The following ZNF385D variants were observed in gnomAD, a reference collection of about 807,000 sequenced individuals.
ZNF385D encodes the protein zinc finger protein 659.
Under a neutral mutation model 35.8 loss-of-function variants are expected in ZNF385D, and 15 were observed. That is an observed-to-expected ratio of 0.42 (90% CI 0.28 to 0.64). The LOEUF is 0.64. Among genes scored for constraint, ZNF385D ranks in the 30% least tolerant of loss-of-function variants. The pLI, the probability that ZNF385D is intolerant of heterozygous loss-of-function variation, is 0.23. For missense variants in ZNF385D, 474 were observed against 494.6 expected (o/e 0.96, Z 0.39); for synonymous variants, 212 against 186.8 (o/e 1.13, Z -1.10).
At chr3:22,145,454 C>A (rs1431217023) in intron 3 of ZNF385D, among the ~76,000 whole-genome samples, 16 of 152,224 alleles carry the variant, frequency 1.1e-4, no homozygotes, top group Admixed American at 1.0e-3. Context: ...ACTACCAATG[C>A]TCTTTACACA....
At chr3:22,229,078 T>G (rs1698731670) in intron 2 of ZNF385D, among the ~76,000 whole-genome samples, 1 of 152,236 alleles carries the variant, frequency 6.6e-6, no homozygotes, top group Admixed American at 6.5e-5. Context: ...TCAATACTCC[T>G]TAATAAACTC....
At chr3:22,354,141 ATTACTGGAT>A (rs1327999088) in intron 2 of ZNF385D, among the ~76,000 whole-genome samples, 7 of 152,016 alleles carry the variant, frequency 4.6e-5, no homozygotes, top group African/African-American at 7.2e-5. Flanking sequence ...AGTTATACTG[ATTACTGGAT>A]TTTTTATATC....
At chr3:21,791,674 A>G (rs1449056311) in intron 3 of ZNF385D, among the ~76,000 whole-genome samples, 1 of 152,210 alleles carries the variant, frequency 6.6e-6, no homozygotes, top group East Asian at 1.9e-4. Context: ...AAACTAATAC[A>G]AAGTTTAGAA....
Position 21,591,677 on chromosome 3 carries a change from T to C in ZNF385D, c.166-26993A>G, listed in dbSNP as rs180859176. On this transcript the variant is annotated intron_variant, in intron 2 of 7. Transcript: ENST00000281523. Reference sequence around the variant, plus strand: ...AGGGTCACACCCTGAGCCTCCATTTTAGCAGGAAGCACTCCGCTTCTGAAG... The same window carrying C: ...AGGGTCACACCCTGAGCCTCCATTTCAGCAGGAAGCACTCCGCTTCTGAAG... Among the ~76,000 whole-genome samples the C allele has an allele frequency of 2.2e-3, 337 of 152,288 alleles. 3 individuals are homozygous for C. Among genetic ancestry groups the C allele is most frequent in the South Asian group, 0.017 (80 of 4,828 alleles).
chr3:21,673,653 C>T (rs2066641128), intron 1 of ZNF385D, among the ~76,000 whole-genome samples: 1 of 151,988 alleles, frequency 6.6e-6, no homozygotes, highest in Non-Finnish European at 1.5e-5. Context: ...CATGTGTGAG[C>T]AATGATGATC....
intron 3 of ZNF385D, among the ~76,000 whole-genome samples, chr3:22,063,470 G>T (rs979979845): frequency 9.2e-5 from 14 of 152,130 alleles, no homozygotes; most frequent in Non-Finnish European, 2.9e-5. Flanking sequence ...ATATTCAATA[G>T]ATTTTTACAT....
rs997771185 is a variant in ZNF385D at position 22,046,064 on chromosome 3, G to T, written c.325+122753C>A. Among the ~76,000 whole-genome samples, 7 of 150,392 alleles carry T rather than the reference G, an allele frequency of 4.7e-5. No individual in the cohort carries two copies. In the East Asian group the frequency reaches 9.9e-4, roughly 21 times the overall value. On this transcript the variant is annotated intron_variant, in intron 3 of 5. Coordinates refer to the ZNF385D transcript ENST00000494108. Reference sequence around the variant, plus strand: ...ATAATTGTCAACCCTGGCAGATTCAGCTGGGAGGAAAATTGATGATAGTGG... The same window carrying T: ...ATAATTGTCAACCCTGGCAGATTCATCTGGGAGGAAAATTGATGATAGTGG...
At chr3:21,979,160 T>C (rs1350984865) in intron 3 of ZNF385D, among the ~76,000 whole-genome samples, 1 of 151,990 alleles carries the variant, frequency 6.6e-6, no homozygotes, top group East Asian at 1.9e-4. Flanking sequence ...GCCTGTAGAA[T>C]AGTCTGGGCT....
intron 3 of ZNF385D, among the ~76,000 whole-genome samples, chr3:22,076,398 CTTA>C (rs1461440290): frequency 6.6e-6 from 1 of 151,842 alleles, no homozygotes; most frequent in Non-Finnish European, 1.5e-5. Flanking sequence ...CATTAGCTGG[CTTA>C]TTTTTTAATG....
chr3:21,977,849 A>G (rs1023187324), intron 3 of ZNF385D, among the ~76,000 whole-genome samples: 6 of 151,956 alleles, frequency 3.9e-5, no homozygotes, highest in African/African-American at 1.5e-4. Flanking sequence ...AAAAAGGAAA[A>G]CAAACAAACA....
intron 3 of ZNF385D, among the ~76,000 whole-genome samples, chr3:22,042,444 T>A (rs1035308833): frequency 5.9e-5 from 9 of 152,026 alleles, no homozygotes; most frequent in African/African-American, 2.2e-4. Context: ...AAAAAAAAAG[T>A]TTTTCCTTTG....
chr3:21,425,814 G>A (rs1700994899), intron 5 of ZNF385D, 144 bp from the exon 6 acceptor site: 1 of 650,324 alleles, frequency 1.5e-6, no homozygotes, highest in Non-Finnish European at 2.3e-6. Flanking sequence ...CCTCATTTTA[G>A]TGCAGTTTTT....
chr3:22,125,631 A>C (rs1024637760), intron 3 of ZNF385D, among the ~76,000 whole-genome samples: 2 of 152,044 alleles, frequency 1.3e-5, no homozygotes, highest in Non-Finnish European at 2.9e-5. Context: ...TTTTCTTGTA[A>C]AGGTCTTTCA....
intron 3 of ZNF385D, among the ~76,000 whole-genome samples, chr3:22,026,081 G>A (rs1697529983): frequency 6.6e-6 from 1 of 152,236 alleles, no homozygotes. Flanking sequence ...TAATCATAGT[G>A]TTGCTAGAGG....
intron 3 of ZNF385D, among the ~76,000 whole-genome samples, chr3:22,135,350 A>G (rs543683442): frequency 6.6e-6 from 1 of 150,854 alleles, no homozygotes; most frequent in Non-Finnish European, 1.5e-5. Context: ...ACATACACAC[A>G]TAACTTATTT....
At chr3:21,815,239 T>A (rs2073094927) in intron 3 of ZNF385D, among the ~76,000 whole-genome samples, 2 of 152,074 alleles carry the variant, frequency 1.3e-5, no homozygotes, top group South Asian at 4.1e-4. Flanking sequence ...GCAGGAAAGA[T>A]CTAAAATTGA....
At chr3:22,166,920 C>T (rs565172245) in intron 3 of ZNF385D, among the ~76,000 whole-genome samples, 5 of 152,232 alleles carry the variant, frequency 3.3e-5, no homozygotes, top group Non-Finnish European at 7.3e-5. Context: ...GGAATTGAAT[C>T]GTGCTGTACT....
intron 2 of ZNF385D, among the ~76,000 whole-genome samples, chr3:22,171,876 CAAAAAAA>C (rs370469654): frequency 0.048 from 4,819 of 100,696 alleles, 176 homozygotes; most frequent in South Asian, 0.13. Flanking sequence ...GACTCGGTCT[CAAAAAAA>C]AAAAAAAAAA....
At chr3:21,830,955 T>C (rs1352884068) in intron 3 of ZNF385D, among the ~76,000 whole-genome samples, 2 of 152,270 alleles carry the variant, frequency 1.3e-5, no homozygotes, top group East Asian at 3.9e-4. Flanking sequence ...GAATAAGATA[T>C]TCTGTTAAAA....
Sources: gnomAD v4.1 joint callset for allele counts (sites outside exome capture counted in the v4.1 genomes callset) on GRCh38, gnomAD v4.1.1 for gene constraint, MANE v1.5 for transcripts, NCBI Gene and HGNC (gene_info 2026-07-23, HGNC 2026-07-21) for gene names.